SPON1: variants seen among roughly 807,000 people sequenced by gnomAD.
SPON1 encodes spondin-1.
A neutral mutation model predicts 111.7 loss-of-function variants in SPON1; 52 were observed. The ratio of observed to expected loss-of-function variants is 0.47; its 90% CI spans 0.37 to 0.59. SPON1 has a LOEUF of 0.59. Among genes scored for constraint, SPON1 ranks in the 20% least tolerant of loss-of-function variants. SPON1 has a pLI of 0.00. For missense variants in SPON1, 957 were observed against 1,068.5 expected (o/e 0.90, Z 1.46); for synonymous variants, 410 against 395.8 (o/e 1.04, Z -0.43).
intron 2 of SPON1, among the ~76,000 whole-genome samples, chr11:13,998,604 A>G (rs1052639156): frequency 4.6e-5 from 7 of 152,230 alleles, no homozygotes; most frequent in Non-Finnish European, 7.4e-5. Context: ...CCATTCCCCT[A>G]CAAGATTCTG....
intron 2 of SPON1, among the ~76,000 whole-genome samples, chr11:14,034,958 G>A (rs1848583452): frequency 6.6e-6 from 1 of 152,196 alleles, no homozygotes; most frequent in Non-Finnish European, 1.5e-5. Context: ...AGCAAACAGG[G>A]TCCTCACTGG....
intron 6 of SPON1, among the ~76,000 whole-genome samples, chr11:14,160,302 G>A (rs572171524): frequency 2.2e-4 from 11 of 50,954 alleles, no homozygotes; most frequent in African/African-American, 5.3e-4. Flanking sequence ...ATATCACTAA[G>A]TCAAAAATAC....
intron 1 of SPON1, among the ~76,000 whole-genome samples, chr11:13,981,856 A>G (rs948800844): frequency 9.2e-5 from 14 of 152,144 alleles, no homozygotes; most frequent in Admixed American, 9.2e-4. Context: ...CTCCTGGGAC[A>G]TCAGAGTCTT....
chr11:14,118,331 A>G (rs1554926198), intron 5 of SPON1, among the ~76,000 whole-genome samples: 1 of 152,158 alleles, frequency 6.6e-6, no homozygotes, highest in African/African-American at 2.4e-5. Context: ...ACATTTAACA[A>G]TGTTTATGTG....
intron 5 of SPON1, among the ~76,000 whole-genome samples, chr11:14,091,720 T>A (rs1188209225): frequency 6.6e-6 from 1 of 151,768 alleles, no homozygotes; most frequent in Non-Finnish European, 1.5e-5. Context: ...CCTCCACACC[T>A]CCCTGCAAGC....
At chr11:14,155,390 G>A (rs1466813195) in intron 6 of SPON1, among the ~76,000 whole-genome samples, 1 of 152,116 alleles carries the variant, frequency 6.6e-6, no homozygotes, top group Admixed American at 6.6e-5. Context: ...GAAGGCCTCA[G>A]GAAATATACA....
At chr11:14,119,799 C>G (rs1372742189) in intron 5 of SPON1, among the ~76,000 whole-genome samples, 9 of 152,162 alleles carry the variant, frequency 5.9e-5, no homozygotes, top group African/African-American at 2.2e-4. Context: ...GGACTACCTG[C>G]ACAGTTGGTT....
rs1554907605 is a variant in SPON1, at chr11:13,962,870, C to A, written c.-35C>A. On this transcript the variant is annotated 5_prime_UTR_variant, in exon 1 of 16. Transcript: ENST00000576479. ...TCGGGCAGGAGTCGCGTGGCGAAGG[C>A]CTGCGGCCGCGGCACAAAGTTGGGG... 2.1e-6 allele frequency: 3 copies of A among 1,425,638 alleles called. No individual in the cohort carries two copies. Among genetic ancestry groups the A allele is most frequent in the Non-Finnish European group, 2.7e-6 (3 of 1,095,580 alleles). 88.3% of individuals were successfully genotyped at this position (1,425,638 alleles called of 1,614,324 possible).
At chr11:14,260,392 A>C (rs1277481301) in intron 13 of SPON1, among the ~76,000 whole-genome samples, 196 bp from the exon 14 acceptor site, 1 of 152,062 alleles carries the variant, frequency 6.6e-6, no homozygotes, top group Non-Finnish European at 1.5e-5. Context: ...GAGATGAAAG[A>C]GAGTGAAAAG....
At chr11:14,054,013 C>T (rs574546977) in intron 3 of SPON1, among the ~76,000 whole-genome samples, 8 of 152,274 alleles carry the variant, frequency 5.3e-5, no homozygotes, top group Admixed American at 5.2e-4. Context: ...AATAAGTGCA[C>T]CTGAGTTATT....
intron 3 of SPON1, among the ~76,000 whole-genome samples, chr11:14,050,743 G>A (rs1848701755): frequency 1.3e-5 from 2 of 152,142 alleles, no homozygotes. Flanking sequence ...CCCAGTTGGG[G>A]CCTTTGGAGA....
chr11:14,161,317 C>A (rs1347478474), intron 6 of SPON1, among the ~76,000 whole-genome samples: 6 of 76,252 alleles, frequency 7.9e-5, no homozygotes, highest in African/African-American at 1.4e-4. Flanking sequence ...TTTTTTATAT[C>A]TATATATTTA....
At chr11:14,205,004 A>C (rs373631668) in intron 6 of SPON1, among the ~76,000 whole-genome samples, 5 of 152,092 alleles carry the variant, frequency 3.3e-5, no homozygotes, top group African/African-American at 1.2e-4. Context: ...CCTATTCTTT[A>C]TCCTGTCTTC....
chr11:14,033,610 G>C (rs1356475840), intron 2 of SPON1, among the ~76,000 whole-genome samples: 1 of 152,178 alleles, frequency 6.6e-6, no homozygotes, highest in African/African-American at 2.4e-5. Context: ...TCATGATGTA[G>C]GTTTCAAAAT....
chr11:14,115,957 G>A (rs1391672291), intron 5 of SPON1, among the ~76,000 whole-genome samples: 6 of 152,190 alleles, frequency 3.9e-5, no homozygotes, highest in African/African-American at 1.2e-4. Context: ...ACTACTGGAT[G>A]TAGTAGTGAT....
rs576352632 is a variant in SPON1, at chr11:13,994,874, T to A, written c.345+11921T>A. ...GGATTTTGATTTTCTTATGAGATTC[T>A]TATGCCATTCTGAGAGAGCCCACAA... On this transcript the variant is annotated intron_variant, in intron 2 of 15. Transcript: ENST00000576479. Among the ~76,000 whole-genome samples the A allele has an allele frequency of 4.5e-4, 68 of 152,344 alleles. 1 individual carries two copies. Among genetic ancestry groups the A allele is most frequent in the African/African-American group, 1.4e-3 (57 of 41,588 alleles).
chr11:13,977,882 T>A (rs1400403914), intron 1 of SPON1, among the ~76,000 whole-genome samples: 1 of 152,322 alleles, frequency 6.6e-6, no homozygotes, highest in East Asian at 1.9e-4. Context: ...TTTACCTTTT[T>A]CTGCATGGTC....
chr11:14,057,831 C>CAAAAAAAAAAAAAAAA lies in SPON1; in HGVS notation c.479+16189_479+16190insAAAAAAAAAAAAAAAA, dbSNP rs782306609. Reference sequence around the variant, plus strand: ...AAAACGTAGTGAGACCTTGTCTCTACAAAAAAAAAAAACAAAACAAAAACT... The same window carrying CAAAAAAAAAAAAAAAA: ...AAAACGTAGTGAGACCTTGTCTCTACAAAAAAAAAAAAAAAAAAAAAAAAAAAACAAAACAAAAACT... On this transcript the variant is annotated intron_variant, in intron 3 of 15. Coordinates refer to ENST00000576479, the MANE Select transcript of SPON1 (RefSeq NM_006108.4). Among the ~76,000 whole-genome samples, 231 of 100,470 alleles carry CAAAAAAAAAAAAAAAA rather than the reference C, an allele frequency of 2.3e-3. 6 individuals are homozygous for CAAAAAAAAAAAAAAAA. Among genetic ancestry groups the CAAAAAAAAAAAAAAAA allele is most frequent in the South Asian group, 9.4e-3 (21 of 2,224 alleles). 65.9% of individuals were successfully genotyped at this position (100,470 alleles called of 152,430 possible). A position where few individuals can be genotyped will look rare whatever the true frequency, so the allele number is the denominator to read the frequency against.
intron 6 of SPON1, among the ~76,000 whole-genome samples, chr11:14,236,303 G>A (rs782003802): frequency 2.0e-5 from 3 of 152,058 alleles, no homozygotes; most frequent in African/African-American, 7.2e-5. Flanking sequence ...AGGGTGTGCC[G>A]ATGGATCAGT....
Sources: allele counts gnomAD v4.1 joint callset (sites outside exome capture counted in the v4.1 genomes callset), GRCh38; gene constraint gnomAD v4.1.1; transcripts MANE v1.5; gene names NCBI Gene and HGNC (gene_info 2026-07-23, HGNC 2026-07-21).